Variants in PEAK1 observed in about 807,000 individuals in gnomAD.
The protein encoded by PEAK1 is inactive tyrosine-protein kinase PEAK1.
PEAK1 carries 54 observed loss-of-function variants against 124.7 expected under a neutral mutation model. The ratio of observed to expected loss-of-function variants is 0.43; its 90% confidence interval spans 0.35 to 0.54. The LOEUF is 0.54. Ranked by LOEUF, PEAK1 falls within the 20% of genes least tolerant of loss-of-function variation. The pLI, the probability that PEAK1 is intolerant of heterozygous loss-of-function variation, is 0.01. For synonymous variants in PEAK1, 719 were observed against 760.0 expected (o/e 0.95, Z 0.89); for missense variants, 2,046 against 2,134.5 (o/e 0.96, Z 0.82).
At chr15:77,297,093 T>C (rs1210918517) in intron 2 of PEAK1, among the ~76,000 whole-genome samples, 3 of 151,994 alleles carry the variant, frequency 2.0e-5, no homozygotes, top group African/African-American at 7.3e-5. Flanking sequence ...AGTTAGGATA[T>C]CAAATTGAAT....
chr15:77,347,195 G>A, intron 2 of PEAK1: 1 of 976,568 alleles, frequency 1.0e-6, no homozygotes, highest in Non-Finnish European at 1.2e-6. Flanking sequence ...AACGGCAGAA[G>A]ATAAGATCTC....
intron 8 of PEAK1, among the ~76,000 whole-genome samples, chr15:77,148,879 G>A (rs557166939): frequency 1.1e-4 from 16 of 152,246 alleles, no homozygotes; most frequent in African/African-American, 2.6e-4. Context: ...CTATGATAGC[G>A]CCACTGCACT....
At chr15:77,403,439 G>T (rs1269894774) in intron 1 of PEAK1, 2 of 925,126 alleles carry the variant, frequency 2.2e-6, no homozygotes, top group East Asian at 2.3e-4. Flanking sequence ...CATATTGATT[G>T]TAAGGGTAAA....
chr15:77,239,820 T>C (rs2060276598), intron 6 of PEAK1: 1 of 984,582 alleles, frequency 1.0e-6, no homozygotes, highest in South Asian at 4.7e-5. Flanking sequence ...CAATGCATCT[T>C]TCAAAGACCA....
chr15:77,179,787 T>G lies in PEAK1; in HGVS notation c.2140A>C (p.Asn714His). The G allele has an allele frequency of 6.2e-7, 1 of 1,614,114 alleles. No homozygotes were observed. The highest frequency in any genetic ancestry group is 8.5e-7 in the Non-Finnish European group (1 of 1,180,004). The change falls in exon 7 of 10, where the codon AAC (asparagine) becomes CAC (histidine). Residue 714 changes from asparagine (N) to histidine (H), a missense_variant. By Grantham distance (68) the Asn-to-His change is moderately conservative. Transcript: ENST00000682557. ...CTCTGTGGTGAAGACTGACCTCTGTTGAGACAGTTGTTAAACTCTTGAACC... is the reference window on the plus strand; with the variant it reads ...CTCTGTGGTGAAGACTGACCTCTGTGGAGACAGTTGTTAAACTCTTGAACC... ...QKVQEFNNCL[N>H]RGQSSPQRSY...
chr15:77,359,202 C>A (rs2067723429), intron 2 of PEAK1, among the ~76,000 whole-genome samples: 1 of 152,102 alleles, frequency 6.6e-6, no homozygotes, highest in Non-Finnish European at 1.5e-5. Context: ...CTTTGGGAGG[C>A]TAAGGCGGGA....
chr15:77,411,282 T>C (rs2142115033), intron 1 of PEAK1, among the ~76,000 whole-genome samples: 1 of 152,204 alleles, frequency 6.6e-6, no homozygotes. Flanking sequence ...TGTGAAAAGG[T>C]AGCAGAGAGC....
chr15:77,152,771 G>A (rs2152773892), intron 8 of PEAK1, among the ~76,000 whole-genome samples: 1 of 152,190 alleles, frequency 6.6e-6, no homozygotes, highest in South Asian at 2.1e-4. Flanking sequence ...CTTTGGTTCT[G>A]TTTATATGCT....
intron 1 of PEAK1, among the ~76,000 whole-genome samples, chr15:77,416,224 A>G (rs933524482): frequency 1.3e-5 from 2 of 151,806 alleles, no homozygotes; most frequent in African/African-American, 4.8e-5. Context: ...TCCTTTTTTC[A>G]TCTTTGGTCT....
At chr15:77,400,362 C>T (rs1012282871) in intron 1 of PEAK1, among the ~76,000 whole-genome samples, 7 of 152,224 alleles carry the variant, frequency 4.6e-5, no homozygotes, top group Admixed American at 4.6e-4. Flanking sequence ...ATCTCCACTC[C>T]CATGTTTACT....
At chr15:77,250,181 G>GTATATATATACATATATATGTATATGTA (rs2060792129) in intron 6 of PEAK1, among the ~76,000 whole-genome samples, 2 of 105,520 alleles carry the variant, frequency 1.9e-5, no homozygotes, top group African/African-American at 6.2e-5. Context: ...ATATGTATAT[G>GTATATATATACATATATATGTATATGTA]TATATATATA....
At chr15:77,374,375 G>A (rs545913237) in intron 1 of PEAK1, among the ~76,000 whole-genome samples, 19 of 152,164 alleles carry the variant, frequency 1.2e-4, no homozygotes, top group African/African-American at 3.9e-4. Flanking sequence ...TACCTAGAAC[G>A]TAAAATCAGA....
intron 6 of PEAK1, among the ~76,000 whole-genome samples, chr15:77,250,933 A>C (rs1212089361): frequency 6.6e-6 from 1 of 152,172 alleles, no homozygotes; most frequent in African/African-American, 2.4e-5. Flanking sequence ...TTTGGTATAT[A>C]ATTTCTCCTG....
chr15:77,211,590 T>G (rs552581227), intron 6 of PEAK1, among the ~76,000 whole-genome samples: 1 of 152,290 alleles, frequency 6.6e-6, no homozygotes, highest in Middle Eastern at 3.4e-3. Flanking sequence ...AGTTCACGCC[T>G]GTAATCCCAG....
intron 7 of PEAK1, among the ~76,000 whole-genome samples, chr15:77,165,636 T>C (rs1421520722): frequency 1.3e-5 from 2 of 152,100 alleles, no homozygotes; most frequent in African/African-American, 4.8e-5. Flanking sequence ...TGCTGAGAAA[T>C]GATAACATAC....
chr15:77,246,012 A>G (rs1363114423), intron 6 of PEAK1, among the ~76,000 whole-genome samples: 2 of 147,454 alleles, frequency 1.4e-5, no homozygotes, highest in Non-Finnish European at 3.0e-5. Flanking sequence ...TACCTGCTAG[A>G]CTTTTTTTTT....
intron 2 of PEAK1, chr15:77,345,943 T>C (rs1165581354): frequency 4.1e-6 from 4 of 985,188 alleles, no homozygotes; most frequent in African/African-American, 3.5e-5. Flanking sequence ...TTATAGCACA[T>C]AGCAATGGCA....
At position 77,365,173 on chromosome 15, in the gene PEAK1, T is replaced by C; in HGVS notation, c.-613A>G. 1 of 974,820 alleles carries C rather than the reference T, an allele frequency of 1.0e-6. No homozygotes were observed. The highest frequency in any genetic ancestry group is 1.2e-6 in the Non-Finnish European group (1 of 820,262). 60.4% of individuals were successfully genotyped at this position (974,820 alleles called of 1,614,324 possible). ...CATAAATTATCTCACCTTTGGTTTT[T>C]AGATAAACCACAAAGAAATGTCTAC... On this transcript the variant is annotated 5_prime_UTR_variant, in exon 2 of 10. Coordinates refer to ENST00000682557, the MANE Select transcript of PEAK1 (RefSeq NM_001385026.1).
chr15:77,257,971 T>C (rs2061248948), intron 5 of PEAK1, among the ~76,000 whole-genome samples: 1 of 152,336 alleles, frequency 6.6e-6, no homozygotes, highest in Non-Finnish European at 1.5e-5. Flanking sequence ...CCATCACCAT[T>C]TATTAAATAG....
Sources: gnomAD v4.1 joint callset for allele counts (sites outside exome capture counted in the v4.1 genomes callset) on GRCh38, gnomAD v4.1.1 for gene constraint, MANE v1.5 for transcripts, NCBI Gene and HGNC (gene_info 2026-07-23, HGNC 2026-07-21) for gene names.